Variants in EDARADD observed in about 807,000 individuals in gnomAD.
EDARADD encodes ectodysplasin-A receptor-associated adapter protein.
EDARADD carries 20 observed loss-of-function variants against 25.6 expected under a neutral mutation model. The ratio of observed to expected loss-of-function variants is 0.78; its 90% confidence interval spans 0.55 to 1.14. The LOEUF is 1.14. Among genes scored for constraint, EDARADD ranks in the 50% most tolerant of loss-of-function variants. EDARADD has a pLI of 0.00. For synonymous variants in EDARADD, 86 were observed against 94.4 expected (o/e 0.91, Z 0.52); for missense variants, 225 against 270.1 (o/e 0.83, Z 1.17).
chr1:236,360,551 T>G (rs1270782837), intron 3 of EDARADD, among the ~76,000 whole-genome samples: 6 of 146,978 alleles, frequency 4.1e-5, no homozygotes, highest in African/African-American at 1.3e-4. Context: ...TTTTTTTTTT[T>G]TTTTTTTTTT....
chr1:236,430,053 C>A (rs639027), intron 4 of EDARADD, among the ~76,000 whole-genome samples: 68,365 of 152,022 alleles, frequency 0.45, 17,660 homozygotes, highest in Non-Finnish European at 0.59. Flanking sequence ...CAAATCACCT[C>A]TGTAAGAAAG....
At chr1:236,356,996 A>G (rs571001014) in intron 3 of EDARADD, among the ~76,000 whole-genome samples, 26 of 151,922 alleles carry the variant, frequency 1.7e-4, no homozygotes, top group Non-Finnish European at 3.1e-4. Context: ...AGGCACTAGA[A>G]TTGCTTGAAC....
At chr1:236,447,978 C>A (rs1658612035) in intron 4 of EDARADD, among the ~76,000 whole-genome samples, 1 of 152,028 alleles carries the variant, frequency 6.6e-6, no homozygotes, top group Non-Finnish European at 1.5e-5. Flanking sequence ...TGGGATTACA[C>A]CTGCGTGCCA....
At chr1:236,401,711 CA>C (rs1404472634) in intron 1 of EDARADD, among the ~76,000 whole-genome samples, 2 of 152,118 alleles carry the variant, frequency 1.3e-5, no homozygotes, top group Non-Finnish European at 2.9e-5. Flanking sequence ...AAAGGATGGG[CA>C]GGGGGCAGAG....
chr1:236,394,233 T>C, upstream of EDARADD: 2 of 561,622 alleles, frequency 3.6e-6, no homozygotes, highest in East Asian at 3.1e-5. Context: ...AACCTCCAAA[T>C]TGATTCTAAG....
intron 3 of EDARADD, among the ~76,000 whole-genome samples, chr1:236,364,918 T>G (rs2102992248): frequency 6.6e-6 from 1 of 152,348 alleles, no homozygotes; most frequent in South Asian, 2.1e-4. Context: ...TCTAGTGGAA[T>G]ACTGAATAGA....
intron 4 of EDARADD, among the ~76,000 whole-genome samples, chr1:236,429,468 C>T (rs1413498260): frequency 6.6e-6 from 1 of 151,856 alleles, no homozygotes; most frequent in Non-Finnish European, 1.5e-5. Flanking sequence ...AGCTCCACCT[C>T]CCAGGTTCAC....
chr1:236,455,564 C>G (rs2103029182), intron 4 of EDARADD, among the ~76,000 whole-genome samples: 1 of 152,296 alleles, frequency 6.6e-6, no homozygotes, highest in South Asian at 2.1e-4. Context: ...GAATGAGGAA[C>G]CAGGGCTATT....
chr1:236,397,264 G>A (rs569155826), intron 1 of EDARADD, among the ~76,000 whole-genome samples: 1 of 152,198 alleles, frequency 6.6e-6, no homozygotes, highest in East Asian at 1.9e-4. Context: ...AGAAAAATTA[G>A]CCAAATGTGC....
At chr1:236,406,255 T>C (rs1466907328) in intron 1 of EDARADD, among the ~76,000 whole-genome samples, 1 of 151,922 alleles carries the variant, frequency 6.6e-6, no homozygotes, top group Non-Finnish European at 1.5e-5. Context: ...TACCACCCCC[T>C]CCCCAGCTAG....
In EDARADD at chr1:236,398,615, T is replaced by C. The variant is rs893328769; in HGVS notation, c.61+4110T>C. 6.6e-6 allele frequency among the ~76,000 whole-genome samples: 1 copy of C among 152,204 alleles called. No individual in the cohort carries two copies. Among genetic ancestry groups the C allele is most frequent in the Non-Finnish European group, 1.5e-5 (1 of 68,044 alleles). Reference sequence around the variant, plus strand: ...TGCCTCCTTTCATTTCCTTGAAGCCTCTTGCACCCTCGTGCCTCCTGGCCT... The same window carrying C: ...TGCCTCCTTTCATTTCCTTGAAGCCCCTTGCACCCTCGTGCCTCCTGGCCT... On this transcript the variant is annotated intron_variant, in intron 1 of 5. Coordinates refer to ENST00000334232, the MANE Select transcript of EDARADD (RefSeq NM_145861.4). This position sits in a 1 kb window ranked among gnomAD's most constrained non-coding sequence, Gnocchi z 4.1.
chr1:236,414,368 C>A (rs1035966171), intron 3 of EDARADD, 69 bp downstream of exon 3: 1 of 1,274,928 alleles, frequency 7.8e-7, no homozygotes, highest in African/African-American at 1.5e-5. Context: ...CACTAGTCGA[C>A]CTAATTTTTC....
Position 236,482,436 on chromosome 1 carries a change from A to G in EDARADD, c.435A>G (p.Lys145=), listed in dbSNP as rs1339722315. ...AAAACTGGAGGAATTTTGCAAGCAA[A>G]TGGGGGATGTCCTATGACGAATTGT... is the stretch of plus-strand genomic sequence containing the variant. ...TVKNWRNFAS[K]WGMSYDELCF... The change falls in exon 6 of 6, where the codon AAA becomes AAG. Residue 145 remains lysine, a synonymous_variant. Coordinates refer to ENST00000334232, the MANE Select transcript of EDARADD (RefSeq NM_145861.4). 6.2e-7 allele frequency: 1 copy of G among 1,614,080 alleles called. No homozygotes were observed. The highest frequency in any genetic ancestry group is 1.3e-5 in the African/African-American group (1 of 74,932).
intron 4 of EDARADD, among the ~76,000 whole-genome samples, chr1:236,447,215 T>TCTTC (rs1553268565): frequency 3.8e-5 from 2 of 52,764 alleles, no homozygotes; most frequent in East Asian, 3.1e-4. Context: ...TTTCTTTCTT[T>TCTTC]CTTTCTTTCC....
chr1:236,391,119 ATTATT>A (rs765252230), upstream of EDARADD, among the ~76,000 whole-genome samples: 206 of 152,020 alleles, frequency 1.4e-3, no homozygotes, highest in Non-Finnish European at 2.5e-3. Flanking sequence ...GCTTGGGCTA[ATTATT>A]TTAAGACCGG....
intron 4 of EDARADD, 146 bp downstream of exon 4, chr1:236,427,596 C>A (rs544385819): frequency 5.7e-6 from 4 of 698,034 alleles, no homozygotes; most frequent in African/African-American, 1.8e-5. Context: ...TCTAAGCATC[C>A]CAGTAAGGTA....
intron 4 of EDARADD, among the ~76,000 whole-genome samples, chr1:236,442,320 C>A (rs1362431295): frequency 6.6e-6 from 1 of 152,090 alleles, no homozygotes; most frequent in South Asian, 2.1e-4. Flanking sequence ...GAGACAGGGT[C>A]TCACCATGTT....
At chr1:236,468,457 C>G (rs938214891) in intron 5 of EDARADD, among the ~76,000 whole-genome samples, 181 bp downstream of exon 5, 6 of 152,014 alleles carry the variant, frequency 3.9e-5, no homozygotes, top group African/African-American at 1.4e-4. Context: ...AACCCCGTCT[C>G]TACCAAAAAT....
At chr1:236,452,413 C>T (rs915208128) in intron 4 of EDARADD, among the ~76,000 whole-genome samples, 2 of 152,180 alleles carry the variant, frequency 1.3e-5, no homozygotes, top group African/African-American at 4.8e-5. Context: ...GTGATTGGAT[C>T]ACGGGGGTGG....
Sources: allele counts gnomAD v4.1 joint callset (sites outside exome capture counted in the v4.1 genomes callset), GRCh38; gene constraint gnomAD v4.1.1; non-coding constraint Gnocchi (gnomAD v3.1); transcripts MANE v1.5; gene names NCBI Gene and HGNC (gene_info 2026-07-23, HGNC 2026-07-21).